Variants in FSTL4 observed in about 807,000 individuals in gnomAD.
FSTL4 encodes follistatin-related protein 4.
A neutral mutation model predicts 78.2 loss-of-function variants in FSTL4; 28 were observed. The observed-to-expected ratio is 0.36, with a 90% CI of 0.27 to 0.49. FSTL4 has a LOEUF of 0.49. Ranked by LOEUF, FSTL4 falls within the 20% of genes least tolerant of loss-of-function variation. The pLI, the probability that FSTL4 is intolerant of heterozygous loss-of-function variation, is 0.98. For synonymous variants in FSTL4, 422 were observed against 440.5 expected (o/e 0.96, Z 0.53); for missense variants, 922 against 1,084.9 (o/e 0.85, Z 2.11).
At chr5:133,258,370 C>G (rs1752434229) in intron 6 of FSTL4, among the ~76,000 whole-genome samples, 2 of 152,296 alleles carry the variant, frequency 1.3e-5, no homozygotes, top group Middle Eastern at 3.4e-3. Flanking sequence ...GAAGATTGCC[C>G]TCCCCAATGA....
intron 4 of FSTL4, among the ~76,000 whole-genome samples, chr5:133,341,750 C>A (rs1446505238): frequency 1.3e-5 from 2 of 152,192 alleles, no homozygotes; most frequent in Non-Finnish European, 2.9e-5. Flanking sequence ...TAGGTGTCAA[C>A]CTTGAATGTG....
At chr5:133,790,976 T>C in the FSTL4 span, among the ~76,000 whole-genome samples, 19 of 152,316 alleles carry the variant, frequency 1.2e-4, no homozygotes, top group East Asian at 2.3e-3. Flanking sequence ...ATCTCACTGA[T>C]GGTAAAGTCC....
intron 4 of FSTL4, among the ~76,000 whole-genome samples, chr5:133,377,226 G>A (rs1031234173): frequency 2.6e-5 from 4 of 152,144 alleles, no homozygotes; most frequent in Non-Finnish European, 5.9e-5. Flanking sequence ...GGTGTGACAG[G>A]GCAGTAACAC....
intron 3 of FSTL4, among the ~76,000 whole-genome samples, chr5:133,448,220 C>T (rs946764998): frequency 6.6e-6 from 1 of 152,192 alleles, no homozygotes; most frequent in East Asian, 1.9e-4. Flanking sequence ...GCTGCCCTGC[C>T]GAATGGTTTC....
chr5:133,296,066 A>G (rs1298234814), intron 6 of FSTL4, among the ~76,000 whole-genome samples: 2 of 152,074 alleles, frequency 1.3e-5, no homozygotes, highest in Admixed American at 6.5e-5. Context: ...TATGCCCCCA[A>G]ATTAACTCCT....
the FSTL4 span, among the ~76,000 whole-genome samples, chr5:133,792,511 C>G: frequency 6.6e-6 from 1 of 152,182 alleles, no homozygotes; most frequent in African/African-American, 2.4e-5. Flanking sequence ...CGTGTGTCCC[C>G]AAAGCTTGCT....
chr5:133,534,832 C>G (rs1370701153), intron 3 of FSTL4, among the ~76,000 whole-genome samples: 1 of 152,128 alleles, frequency 6.6e-6, no homozygotes, highest in Non-Finnish European at 1.5e-5. Context: ...TCACTCCCAG[C>G]TTCTCTGCAA....
the FSTL4 span, among the ~76,000 whole-genome samples, chr5:133,691,724 G>A: frequency 6.6e-6 from 1 of 151,956 alleles, no homozygotes; most frequent in Non-Finnish European, 1.5e-5. Context: ...AACAAGCAGA[G>A]AAATGGCACA....
At chr5:133,228,334 C>G (rs1466165558) in intron 8 of FSTL4, among the ~76,000 whole-genome samples, 1 of 152,216 alleles carries the variant, frequency 6.6e-6, no homozygotes, top group Non-Finnish European at 1.5e-5. Flanking sequence ...AAAAGGCACT[C>G]TGACAAGTTT....
chr5:133,294,455 C>T lies in FSTL4; in HGVS notation c.727+18199G>A, dbSNP rs539022559. 2.0e-5 allele frequency among the ~76,000 whole-genome samples: 3 copies of T among 152,314 alleles called. No homozygotes were observed. The East Asian group carries it at 5.8e-4, about 29-fold the overall frequency. ...GAAAGGGAAACCCCCGTGCATGCTC[C>T]ACGTGCCACCCACCGCCCCTCTTTG... On this transcript the variant is annotated intron_variant, in intron 6 of 15. Transcript: ENST00000265342.
In FSTL4 at chr5:133,573,178, A is replaced by G. The variant is rs537418317; in HGVS notation, c.127-5959T>C. ...AGAATGGCGTGAACCCGGGAGGCAG[A>G]GCTTGTAGTAAGCCCAGATTGCGCC... On this transcript the variant is annotated intron_variant, in intron 2 of 15. Coordinates refer to ENST00000265342, the MANE Select transcript of FSTL4 (RefSeq NM_015082.2). 8.5e-4 allele frequency among the ~76,000 whole-genome samples: 129 copies of G among 152,212 alleles called. 1 individual carries two copies. The highest frequency in any genetic ancestry group is 8.0e-3 in the Admixed American group (122 of 15,284).
chr5:133,795,272 G>T, the FSTL4 span, among the ~76,000 whole-genome samples: 1 of 152,208 alleles, frequency 6.6e-6, no homozygotes, highest in African/African-American at 2.4e-5. Flanking sequence ...CCGGCAAGGG[G>T]ATAGTGGGGT....
the FSTL4 span, among the ~76,000 whole-genome samples, chr5:133,704,815 G>T: frequency 6.6e-6 from 1 of 152,206 alleles, no homozygotes. Context: ...TTTCAGGCAT[G>T]GTGTCAGCTG....
chr5:133,306,062 C>T (rs114996671), intron 6 of FSTL4, among the ~76,000 whole-genome samples: 139 of 152,358 alleles, frequency 9.1e-4, no homozygotes, highest in African/African-American at 3.2e-3. Flanking sequence ...GACGGTTTTG[C>T]TCCAGAGGCC....
the FSTL4 span, among the ~76,000 whole-genome samples, chr5:133,754,779 G>T: frequency 2.6e-5 from 4 of 152,136 alleles, no homozygotes; most frequent in African/African-American, 7.2e-5. Context: ...GAGCTCAGAC[G>T]TGTGAAGACA....
At chr5:133,673,387 G>A in the FSTL4 span, among the ~76,000 whole-genome samples, 1 of 152,166 alleles carries the variant, frequency 6.6e-6, no homozygotes, top group South Asian at 2.1e-4. Context: ...TCCCTCCCAG[G>A]GCAGGGGTGT....
At chr5:133,735,630 G>A in the FSTL4 span, among the ~76,000 whole-genome samples, 1 of 152,176 alleles carries the variant, frequency 6.6e-6, no homozygotes, top group Non-Finnish European at 1.5e-5. Context: ...ACAAGGGTCT[G>A]AGGATTTCTT....
At chr5:133,325,536 C>T (rs1754190125) in intron 4 of FSTL4, among the ~76,000 whole-genome samples, 1 of 152,150 alleles carries the variant, frequency 6.6e-6, no homozygotes, top group Admixed American at 6.5e-5. Context: ...CTGCTGGAAG[C>T]AATCCCTTTG....
intron 6 of FSTL4, among the ~76,000 whole-genome samples, chr5:133,266,812 T>G (rs1359662700): frequency 6.6e-6 from 1 of 152,180 alleles, no homozygotes; most frequent in African/African-American, 2.4e-5. Context: ...GCTGCCCTGC[T>G]CAGAGAGAAG....
Sources: allele counts gnomAD v4.1 joint callset (sites outside exome capture counted in the v4.1 genomes callset), GRCh38; gene constraint gnomAD v4.1.1; transcripts MANE v1.5; gene names NCBI Gene and HGNC (gene_info 2026-07-23, HGNC 2026-07-21).